The following ART3 variants were observed in gnomAD, a reference collection of about 807,000 sequenced individuals.
ART3 encodes the protein ADP-ribosyltransferase 3 (inactive).
Under a neutral mutation model 48.5 loss-of-function variants are expected in ART3, and 49 were observed. The ratio of observed to expected loss-of-function variants is 1.01; its 90% confidence interval spans 0.80 to 1.28. The LOEUF (loss-of-function observed/expected upper bound fraction) is 1.28, where lower values mean the gene tolerates loss of function less well. Among genes scored for constraint, ART3 ranks in the 50% most tolerant of loss-of-function variants. The pLI, the probability that ART3 is intolerant of heterozygous loss-of-function variation, is 0.00. For synonymous variants in ART3, 145 were observed against 157.2 expected, an observed-to-expected ratio of 0.92 and a Z score of 0.58; for missense variants, 438 against 454.3, an observed-to-expected ratio of 0.96 and a Z score of 0.33.
chr4:76,047,501 C>T (rs532702822), intron 1 of ART3, among the ~76,000 whole-genome samples: 10 of 152,064 alleles, frequency 6.6e-5, no homozygotes, highest in South Asian at 2.1e-4. Flanking sequence ...CTCTCATAGC[C>T]GCTCGGGGAA....
Position 76,101,130 on chromosome 4 carries a change from C to A in ART3, c.937+111C>A. On this transcript the variant is annotated intron_variant, in intron 8 of 11. Coordinates refer to ENST00000355810, the MANE Select transcript of ART3 (RefSeq NM_001130016.3). ...AGAAAAGTGGGAGGAAGGCAGAGCT[C>A]ACCTTAGCTTACTGGTTTGGTATAT... The A allele has an allele frequency of 3.0e-6, 4 of 1,320,986 alleles. 1 individual carries two copies. Among genetic ancestry groups the A allele is most frequent in the Non-Finnish European group, 3.2e-6 (3 of 939,634 alleles). 81.8% of individuals were successfully genotyped at this position (1,320,986 alleles called of 1,614,324 possible).
rs569814886 is a variant in ART3, at chr4:76,045,171, G to A, written c.-9-30710G>A. ...CATTCTTCACAAATGAACTTCCATC[G>A]GTATATAGGTTAAGGTCAGGATTAG... On this transcript the variant is annotated intron_variant, in intron 1 of 9. Coordinates refer to the ART3 transcript ENST00000341029. Among the ~76,000 whole-genome samples, 18 of 151,968 alleles carry A rather than the reference G, an allele frequency of 1.2e-4. No individual in the cohort carries two copies. In the East Asian group the frequency reaches 2.3e-3, roughly 20 times the overall value.
intron 3 of ART3, among the ~76,000 whole-genome samples, chr4:76,089,361 A>ATGTT (rs1223851604): frequency 0.013 from 2,052 of 152,288 alleles, 41 homozygotes; most frequent in African/African-American, 0.047. Flanking sequence ...AGGTGATTGG[A>ATGTT]TCATGGGGGC....
rs910582351 is a variant in ART3 at position 76,059,790 on chromosome 4, CTTTA to C, written c.-9-16089_-9-16086del. ...TTACTTAAGAGAAAAAGCAGGCAAA[CTTTA>C]TAAACACAAGTTGGAGAACTATCAA... On this transcript the variant is annotated intron_variant, in intron 1 of 9. Coordinates refer to the ART3 transcript ENST00000341029. Among the ~76,000 whole-genome samples, 147 of 152,140 alleles carry C rather than the reference CTTTA, an allele frequency of 9.7e-4. 1 individual carries two copies. Among genetic ancestry groups the C allele is most frequent in the Non-Finnish European group, 2.9e-4 (20 of 68,016 alleles).
intron 1 of ART3, chr4:76,058,648 CCTAT>C (rs1296692581): frequency 8.5e-5 from 13 of 152,288 alleles, no homozygotes; most frequent in East Asian, 7.7e-4. Context: ...ACAGGAATTT[CCTAT>C]CTATTTATAC....
intron 3 of ART3, among the ~76,000 whole-genome samples, chr4:76,084,792 C>G (rs1277487522): frequency 6.6e-6 from 1 of 152,172 alleles, no homozygotes; most frequent in African/African-American, 2.4e-5. Context: ...TGCATCTGAG[C>G]TGGGAGGATT....
At chr4:76,098,880 C>T (rs1726626915) in intron 4 of ART3, 75 bp from the exon 5 acceptor site, 4 of 1,222,810 alleles carry the variant, frequency 3.3e-6, no homozygotes, top group South Asian at 1.4e-5. Context: ...TTTTAATGAA[C>T]ATTTAAAAAT....
intron 8 of ART3, among the ~76,000 whole-genome samples, chr4:76,102,586 A>T (rs1269104921): frequency 1.3e-5 from 2 of 150,924 alleles, no homozygotes; most frequent in Non-Finnish European, 3.0e-5. Context: ...TTTCAAAACC[A>T]TCTAAAGATA....
At chr4:76,111,541 G>GTTTA (rs34431731) in intron 11 of ART3, among the ~76,000 whole-genome samples, 52,078 of 151,082 alleles carry the variant, frequency 0.34, 10,011 homozygotes, top group East Asian at 0.55. Flanking sequence ...TAAAAATACA[G>GTTTA]TTTATTTATT....
chr4:76,049,708 G>A (rs906734791), intron 1 of ART3, among the ~76,000 whole-genome samples: 5 of 152,032 alleles, frequency 3.3e-5, no homozygotes, highest in East Asian at 1.9e-4. Context: ...ACTGCTTGGC[G>A]ATAGGCGATT....
intron 3 of ART3, among the ~76,000 whole-genome samples, chr4:76,089,114 T>G (rs1450692777): frequency 6.6e-6 from 1 of 152,210 alleles, no homozygotes; most frequent in Non-Finnish European, 1.5e-5. Flanking sequence ...TTCTTAACAA[T>G]AATTACTTGC....
chr4:76,021,907 A>G, intron 1 of ART3: 2 of 1,608,618 alleles, frequency 1.2e-6, no homozygotes, highest in African/African-American at 1.3e-5. Context: ...GAAGCACTGC[A>G]TCGATTTTGC....
chr4:76,104,747 A>G (rs891395383), intron 10 of ART3, 118 bp downstream of exon 10: 28 of 1,266,624 alleles, frequency 2.2e-5, no homozygotes, highest in Non-Finnish European at 3.1e-5. Flanking sequence ...TGTAGCCATC[A>G]GTAGTCACAT....
At position 76,078,799 on chromosome 4, in the gene ART3, G is replaced by A. The variant is rs145193020; in HGVS notation, c.69+2841G>A. 3.7e-3 allele frequency among the ~76,000 whole-genome samples: 558 copies of A among 152,228 alleles called. 3 individuals carry two copies. The highest frequency in any genetic ancestry group is 0.013 in the African/African-American group (535 of 41,530). The stretch of plus-strand genomic sequence containing the variant: ...AACAGTTTGGTTAAGAGGACAAGAC[G>A]GCCGGGCACGGTGGCTCACGCCTGT... On this transcript the variant is annotated intron_variant, in intron 2 of 11. Coordinates refer to ENST00000355810, the MANE Select transcript of ART3 (RefSeq NM_001130016.3).
chr4:76,092,289 T>C (rs994655327), intron 3 of ART3, among the ~76,000 whole-genome samples: 4 of 152,202 alleles, frequency 2.6e-5, no homozygotes, highest in East Asian at 1.9e-4. Flanking sequence ...TGTATCCAAA[T>C]AGTGTTCAGT....
intron 2 of ART3, among the ~76,000 whole-genome samples, chr4:76,081,469 A>G (rs1232813279): frequency 6.6e-6 from 1 of 152,248 alleles, no homozygotes; most frequent in Non-Finnish European, 1.5e-5. Context: ...ACAGCCTTGA[A>G]GGGTTGAAGA....
chr4:76,057,628 A>G (rs1242711223), intron 1 of ART3, among the ~76,000 whole-genome samples: 4 of 152,216 alleles, frequency 2.6e-5, no homozygotes, highest in African/African-American at 4.8e-5. Flanking sequence ...GGGAACTGCT[A>G]TTATCACTAT....
intron 3 of ART3, among the ~76,000 whole-genome samples, chr4:76,086,570 T>C (rs1230930687): frequency 6.6e-6 from 1 of 152,216 alleles, no homozygotes; most frequent in East Asian, 1.9e-4. Context: ...GTCAGTAAAA[T>C]TGTATTTTAC....
At position 76,082,107 on chromosome 4, in the gene ART3, C is replaced by T. The variant is rs779445420; in HGVS notation, c.353C>T (p.Ala118Val). The stretch of plus-strand genomic sequence containing the variant: ...CCCTTTTACCATCTGTTCAGTGAAG[C>T]TGTGAAGATGGCTGGCCAATCTCGA... ...QTPFYHLFSE[A>V]VKMAGQSRED... Residue 118 changes from alanine to valine, a missense_variant, in exon 3 of 12, where the codon GCT (alanine) becomes GTT (valine). Coordinates refer to ENST00000355810, the MANE Select transcript of ART3 (RefSeq NM_001130016.3). 1.4e-5 allele frequency: 22 copies of T among 1,614,102 alleles called. No individual in the cohort carries two copies. The African/African-American group carries it at 2.7e-4, about 20-fold the overall frequency.
Sources: allele counts gnomAD v4.1 joint callset (sites outside exome capture counted in the v4.1 genomes callset), GRCh38; gene constraint gnomAD v4.1.1; transcripts MANE v1.5; gene names NCBI Gene and HGNC (gene_info 2026-07-23, HGNC 2026-07-21).